The following IL1RAPL2 variants were observed in gnomAD, a reference collection of about 807,000 sequenced individuals.
The protein encoded by IL1RAPL2 is interleukin 1 receptor accessory protein like 2.
IL1RAPL2 carries 3 observed loss-of-function variants against 44.1 expected under a neutral mutation model. The observed-to-expected ratio is 0.07, with a 90% CI of 0.03 to 0.18. The LOEUF (loss-of-function observed/expected upper bound fraction) is 0.18, where lower values mean the gene tolerates loss of function less well. Ranked by LOEUF, IL1RAPL2 falls within the 10% of genes least tolerant of loss-of-function variation. The pLI is 1.00. For synonymous variants in IL1RAPL2, 181 were observed against 178.8 expected, an observed-to-expected ratio of 1.01 and a Z score of -0.10; for missense variants, 391 against 496.4, an observed-to-expected ratio of 0.79 and a Z score of 2.02.
At chrX:104,737,176 G>A (rs992410162) in intron 2 of IL1RAPL2, among the ~76,000 whole-genome samples, 1 of 112,423 alleles carries the variant, frequency 8.9e-6, no homozygotes, top group African/African-American at 3.2e-5. Flanking sequence ...TGCTTTGATT[G>A]GGAAGTGTGG....
intron 2 of IL1RAPL2, among the ~76,000 whole-genome samples, chrX:104,865,758 G>A (rs1443882495): frequency 1.8e-5 from 2 of 112,563 alleles, no homozygotes; most frequent in African/African-American, 6.5e-5. Flanking sequence ...TCAGCTTTTG[G>A]ACTCCTGGAC....
chrX:105,425,299 T>C (rs2147747762), intron 5 of IL1RAPL2, among the ~76,000 whole-genome samples: 1 of 110,426 alleles, frequency 9.1e-6, no homozygotes, highest in African/African-American at 3.3e-5. Context: ...CCTGGCCAAC[T>C]TAATGCAAAG....
intron 2 of IL1RAPL2, among the ~76,000 whole-genome samples, chrX:105,048,224 A>G (rs1166753296): frequency 8.9e-6 from 1 of 112,112 alleles, no homozygotes; most frequent in East Asian, 2.8e-4. Context: ...GTCAGGATGC[A>G]AATGACAGGG....
chrX:105,513,697 A>C (rs1188866640), intron 6 of IL1RAPL2, among the ~76,000 whole-genome samples: 1 of 111,107 alleles, frequency 9.0e-6, no homozygotes, highest in South Asian at 3.8e-4. Context: ...AGATTGCAAA[A>C]ATTTTATCTC....
At chrX:105,132,987 T>G (rs1355552899) in intron 2 of IL1RAPL2, among the ~76,000 whole-genome samples, 1 of 112,133 alleles carries the variant, frequency 8.9e-6, no homozygotes, top group Non-Finnish European at 1.9e-5. Flanking sequence ...ATGTATTCAA[T>G]AAAAATGTTT....
intron 5 of IL1RAPL2, among the ~76,000 whole-genome samples, chrX:105,427,007 T>A (rs1309314347): frequency 8.9e-6 from 1 of 112,621 alleles, no homozygotes; most frequent in Non-Finnish European, 1.9e-5. Context: ...CAAAGTGGTT[T>A]GGGTTCAAAG....
chrX:105,483,508 A>G (rs1298051682), intron 5 of IL1RAPL2, among the ~76,000 whole-genome samples: 2 of 111,052 alleles, frequency 1.8e-5, no homozygotes, highest in Non-Finnish European at 3.8e-5. Context: ...GCCTTTCCAA[A>G]TCTTCTCCAC....
rs1345172720 is a variant in IL1RAPL2 at position 105,402,564 on chromosome X, C to G, written c.698-81749C>G. Among the ~76,000 whole-genome samples the G allele has an allele frequency of 5.4e-5, 6 of 111,609 alleles. No homozygotes were observed. In the East Asian group the frequency reaches 1.7e-3, roughly 31 times the overall value. ...ATGAAAATAGGATGAAACAAAACCA[C>G]TGAGAATACACACACTGTCTTTGTT... On this transcript the variant is annotated intron_variant, in intron 5 of 10. Coordinates refer to ENST00000372582, the MANE Select transcript of IL1RAPL2 (RefSeq NM_017416.2).
At chrX:105,705,220 G>A (rs750898891) in intron 6 of IL1RAPL2, among the ~76,000 whole-genome samples, 1 of 110,063 alleles carries the variant, frequency 9.1e-6, no homozygotes, top group East Asian at 2.9e-4. Flanking sequence ...ATAGATAGAC[G>A]GATACAGATA....
At chrX:105,613,965 T>C (rs1431967999) in intron 6 of IL1RAPL2, among the ~76,000 whole-genome samples, 1 of 111,510 alleles carries the variant, frequency 9.0e-6, no homozygotes, top group African/African-American at 3.3e-5. Flanking sequence ...ACCTTTCTGA[T>C]AATCAAATTC....
In IL1RAPL2 at chrX:104,953,379, CAT is replaced by C. The variant is rs1349859470; in HGVS notation, c.83-242091_83-242090del. ...TTTATAAATTTGGATTCTCTATAAA[CAT>C]ATATTTGGATAGATAAGTTCTGAGA... On this transcript the variant is annotated intron_variant, in intron 2 of 10. Coordinates refer to ENST00000372582, the MANE Select transcript of IL1RAPL2 (RefSeq NM_017416.2). Among the ~76,000 whole-genome samples the C allele has an allele frequency of 7.1e-5, 8 of 111,998 alleles. No individual in the cohort carries two copies. The East Asian group carries it at 2.2e-3, about 31-fold the overall frequency.
At chrX:105,284,974 A>G (rs1295027426) in intron 5 of IL1RAPL2, among the ~76,000 whole-genome samples, 2 of 111,832 alleles carry the variant, frequency 1.8e-5, no homozygotes, top group Non-Finnish European at 3.8e-5. Flanking sequence ...TATGTGCCAC[A>G]AAAGAGCTAT....
chrX:105,221,174 G>A (rs1556181537), intron 3 of IL1RAPL2, among the ~76,000 whole-genome samples: 1 of 111,569 alleles, frequency 9.0e-6, no homozygotes, highest in African/African-American at 3.3e-5. Context: ...CACAAAAGCA[G>A]CCATAAATAA....
intron 5 of IL1RAPL2, among the ~76,000 whole-genome samples, chrX:105,346,194 A>G (rs1412728061): frequency 2.7e-5 from 3 of 112,069 alleles, no homozygotes; most frequent in African/African-American, 9.7e-5. Flanking sequence ...ATAAACTCTG[A>G]TTGTATTAGG....
intron 4 of IL1RAPL2, among the ~76,000 whole-genome samples, chrX:105,244,486 C>T (rs767073090): frequency 1.3e-4 from 14 of 111,631 alleles, no homozygotes; most frequent in South Asian, 7.5e-4. Context: ...GGACCTAGTC[C>T]GCTTTCTGCC....
chrX:104,891,974 T>C (rs1179032244), intron 2 of IL1RAPL2, among the ~76,000 whole-genome samples: 1 of 111,800 alleles, frequency 8.9e-6, no homozygotes, highest in African/African-American at 3.3e-5. Flanking sequence ...ATCCCATCAA[T>C]ACCTAATTTA....
chrX:104,581,877 T>C (rs1013977043), intron 1 of IL1RAPL2, among the ~76,000 whole-genome samples: 8 of 110,674 alleles, frequency 7.2e-5, no homozygotes, highest in Non-Finnish European at 1.5e-4. Flanking sequence ...AAAAAATTGC[T>C]CCTTCCTTAA....
intron 2 of IL1RAPL2, among the ~76,000 whole-genome samples, chrX:104,847,609 C>T (rs1162458528): frequency 4.5e-5 from 5 of 111,552 alleles, no homozygotes; most frequent in Non-Finnish European, 9.4e-5. Flanking sequence ...TGTAGTATAG[C>T]TTGAAGTCAG....
chrX:105,490,350 C>A (rs997489205), intron 6 of IL1RAPL2, among the ~76,000 whole-genome samples: 1 of 111,756 alleles, frequency 8.9e-6, no homozygotes, highest in African/African-American at 3.3e-5. Flanking sequence ...CAAATCTGAT[C>A]CAGTATAAAA....
Sources: gnomAD v4.1 joint callset for allele counts (sites outside exome capture counted in the v4.1 genomes callset) on GRCh38, gnomAD v4.1.1 for gene constraint, MANE v1.5 for transcripts, NCBI Gene and HGNC (gene_info 2026-07-23, HGNC 2026-07-21) for gene names.